Variants in SLC25A16 observed in about 807,000 individuals in gnomAD.
SLC25A16 encodes solute carrier family 25 member 16.
In SLC25A16, 39 loss-of-function variants were observed where a neutral mutation model predicts 41.5. That is an observed-to-expected ratio of 0.94 (90% CI 0.73 to 1.23). The LOEUF (loss-of-function observed/expected upper bound fraction) is 1.23, where lower values mean the gene tolerates loss of function less well. Ranked by LOEUF, SLC25A16 falls within the 50% of genes most tolerant of loss-of-function variation. SLC25A16 has a pLI of 0.00. For synonymous variants in SLC25A16, 146 were observed against 147.8 expected (o/e 0.99, Z 0.09); for missense variants, 421 against 426.9 (o/e 0.99, Z 0.12).
intron 4 of SLC25A16, among the ~76,000 whole-genome samples, chr10:68,497,868 G>A (rs1163930609): frequency 6.6e-6 from 1 of 151,790 alleles, no homozygotes; most frequent in Non-Finnish European, 1.5e-5. Context: ...ACCCCAGCTT[G>A]ACCTCCCAAA....
intron 3 of SLC25A16, among the ~76,000 whole-genome samples, 163 bp downstream of exon 3, chr10:68,506,422 T>C (rs2052954673): frequency 6.6e-6 from 1 of 151,864 alleles, no homozygotes; most frequent in African/African-American, 2.4e-5. Flanking sequence ...TACCCCAGCC[T>C]GGGCAGCGAG....
chr10:68,509,163 CCT>C (rs1258619903), intron 2 of SLC25A16, among the ~76,000 whole-genome samples: 5 of 151,850 alleles, frequency 3.3e-5, no homozygotes, highest in Non-Finnish European at 4.4e-5. Context: ...ATGGGGAAAC[CCT>C]GTCTCTCCTA....
chr10:68,511,617 T>A (rs1010634298), intron 2 of SLC25A16, among the ~76,000 whole-genome samples: 1 of 152,182 alleles, frequency 6.6e-6, no homozygotes, highest in African/African-American at 2.4e-5. Context: ...CTCCATTTTA[T>A]CCTCAAGTTA....
At chr10:68,486,469 C>T (rs1177792942) in intron 8 of SLC25A16, among the ~76,000 whole-genome samples, 1 of 151,410 alleles carries the variant, frequency 6.6e-6, no homozygotes, top group Non-Finnish European at 1.5e-5. Context: ...ACTCTGTCGC[C>T]AAATTGGCTC....
intron 2 of SLC25A16, among the ~76,000 whole-genome samples, chr10:68,510,269 C>T (rs901891219): frequency 4.0e-5 from 6 of 151,718 alleles, no homozygotes; most frequent in African/African-American, 1.5e-4. Flanking sequence ...CAGTGGCTGA[C>T]GCCTGTAATC....
At position 68,516,824 on chromosome 10, in the gene SLC25A16, G is replaced by C. The variant is rs559514667; in HGVS notation, c.150C>G (p.Ala50=). 6 of 1,613,040 alleles carry C rather than the reference G, an allele frequency of 3.7e-6. No homozygotes were observed. The Admixed American group carries it at 1.0e-4, about 27-fold the overall frequency. The stretch of plus-strand genomic sequence containing the variant: ...GATCCAATGGAGCAACTGTTGTTTT[G>C]GCACAGCATCCAGCAATACCTAAAA... ...FLAGGIAGCC[A]KTTVAPLDRV... Residue 50 remains alanine, a synonymous_variant, in exon 2 of 9, where the codon GCC becomes GCG. Coordinates refer to ENST00000609923, the MANE Select transcript of SLC25A16 (RefSeq NM_152707.4).
chr10:68,502,980 G>A (rs71475248), intron 4 of SLC25A16, among the ~76,000 whole-genome samples: 19,064 of 138,988 alleles, frequency 0.14, 1,709 homozygotes, highest in Admixed American at 0.23. Flanking sequence ...GAGTGGAGAG[G>A]AGAGGGAAGA....
At chr10:68,502,726 C>G (rs2052869658) in intron 4 of SLC25A16, among the ~76,000 whole-genome samples, 2 of 128,328 alleles carry the variant, frequency 1.6e-5, no homozygotes, top group East Asian at 4.6e-4. Context: ...GACCCAGACC[C>G]TGTCTCAAAA....
In SLC25A16 at chr10:68,487,189, C is replaced by G; in HGVS notation, c.797G>C (p.Arg266Pro). 6.2e-7 allele frequency: 1 copy of G among 1,613,318 alleles called. No homozygotes were observed. The highest frequency in any genetic ancestry group is 8.5e-7 in the Non-Finnish European group (1 of 1,179,742). Residue 266 changes from arginine to proline, a missense_variant, in exon 8 of 9, where the codon CGG becomes CCG. Arg to Pro is a moderately radical substitution (Grantham distance 103). Transcript: ENST00000609923. ...CAGAACAGTTCCTAATTGCATTCGC[C>G]GACGAGTCACATCAAATGGGTAGCT... ...TISYPFDVTR[R>P]RMQLGTVLPE...
In SLC25A16 at chr10:68,491,458, C is replaced by T. The variant is rs559443249; in HGVS notation, c.610+1674G>A. 1.8e-4 allele frequency among the ~76,000 whole-genome samples: 27 copies of T among 152,254 alleles called. 1 individual carries two copies. In the South Asian group the frequency reaches 5.0e-3, roughly 28 times the overall value. On this transcript the variant is annotated intron_variant, in intron 6 of 8. Coordinates refer to ENST00000609923, the MANE Select transcript of SLC25A16 (RefSeq NM_152707.4). ...CAGGCTGGTCTCAAACTCCTAACCT[C>T]AGGTGATCCACCTGCCTTGGCCTCA...
At position 68,479,920 on chromosome 10, in the gene SLC25A16, G is replaced by GA. The variant is rs1409846440; in HGVS notation, c.*3511dup. 1 of 151,400 alleles carries GA rather than the reference G, an allele frequency of 6.6e-6. No homozygotes were observed. Among genetic ancestry groups the GA allele is most frequent in the Non-Finnish European group, 1.5e-5 (1 of 67,950 alleles). The allele number at this position is 151,400 out of a possible 1,614,324, so 9.4% of individuals were successfully genotyped here. A position where few individuals can be genotyped will look rare whatever the true frequency, so the allele number is the denominator to read the frequency against. On this transcript the variant is annotated 3_prime_UTR_variant, in exon 9 of 9. Transcript: ENST00000609923. ...CCAGTTACTTGGAAAGATGACTCGG[G>GA]AAAATCGCTTGAACCCGGAGGTGGA... is the stretch of plus-strand genomic sequence containing the variant.
chr10:68,523,222 T>C (rs2053276549), intron 1 of SLC25A16, among the ~76,000 whole-genome samples: 1 of 151,942 alleles, frequency 6.6e-6, no homozygotes, highest in Non-Finnish European at 1.5e-5. Flanking sequence ...CCTGAGTAGC[T>C]GGGACTACAA....
Position 68,527,467 on chromosome 10 carries a change from C to G in SLC25A16, c.-92G>C. On this transcript the variant is annotated 5_prime_UTR_variant, in exon 1 of 9. Transcript: ENST00000609923. ...GAACAGGCGGTGACAGGAGGCTGAC[C>G]GCCCCGCCGGCGGGGCAAAGTAACA... 1 of 1,291,286 alleles carries G rather than the reference C, an allele frequency of 7.7e-7. No individual in the cohort carries two copies. The highest frequency in any genetic ancestry group is 1.0e-6 in the Non-Finnish European group (1 of 990,406). 80.0% of individuals were successfully genotyped at this position (1,291,286 alleles called of 1,614,324 possible).
chr10:68,512,413 G>A lies in SLC25A16; in HGVS notation c.223+4338C>T, dbSNP rs535102676. On this transcript the variant is annotated intron_variant, in intron 2 of 8. Coordinates refer to ENST00000609923, the MANE Select transcript of SLC25A16 (RefSeq NM_152707.4). ...AGCACTTTGGGAGGCCGAGGCGGGC[G>A]GATCACGAGGTCAGGAGATCGAGAC... 1.9e-4 allele frequency among the ~76,000 whole-genome samples: 17 copies of A among 90,798 alleles called. 3 individuals are homozygous for A. The highest frequency in any genetic ancestry group is 4.6e-4 in the South Asian group (1 of 2,152). 59.6% of individuals were successfully genotyped at this position (90,798 alleles called of 152,430 possible). A position where few individuals can be genotyped will look rare whatever the true frequency, so the allele number is the denominator to read the frequency against.
At chr10:68,522,589 G>A (rs1260389913) in intron 1 of SLC25A16, among the ~76,000 whole-genome samples, 1 of 152,112 alleles carries the variant, frequency 6.6e-6, no homozygotes, top group Non-Finnish European at 1.5e-5. Context: ...GCCGAGGCAG[G>A]CGGATCACGA....
chr10:68,510,832 C>T (rs1228363349), intron 2 of SLC25A16, among the ~76,000 whole-genome samples: 1 of 151,864 alleles, frequency 6.6e-6, no homozygotes, highest in Non-Finnish European at 1.5e-5. Flanking sequence ...AGCAAGACTC[C>T]GTCTCAAATA....
chr10:68,495,235 AC>A (rs1184029342), intron 4 of SLC25A16, among the ~76,000 whole-genome samples: 1 of 151,670 alleles, frequency 6.6e-6, no homozygotes, highest in Non-Finnish European at 1.5e-5. Context: ...ATATGGTGAA[AC>A]CCCATCTCTA....
chr10:68,487,346 G>T (rs1014355833), intron 7 of SLC25A16, 134 bp from the exon 8 acceptor site: 3 of 634,092 alleles, frequency 4.7e-6, no homozygotes, highest in Admixed American at 2.7e-5. Context: ...TAGGAGTCGG[G>T]ATATAGGCAT....
At chr10:68,516,957 A>C in intron 1 of SLC25A16, 114 bp from the exon 2 acceptor site, 1 of 1,042,180 alleles carries the variant, frequency 9.6e-7, no homozygotes, top group South Asian at 1.6e-5. Flanking sequence ...TCCATGAGTA[A>C]ATCTGCCCAC....
Sources: allele counts gnomAD v4.1 joint callset (sites outside exome capture counted in the v4.1 genomes callset), GRCh38; gene constraint gnomAD v4.1.1; transcripts MANE v1.5; gene names NCBI Gene and HGNC (gene_info 2026-07-23, HGNC 2026-07-21).